FCMR: variants seen among roughly 807,000 people sequenced by gnomAD.
The protein encoded by FCMR is Fc mu receptor, also known as immunoglobulin mu Fc receptor.
FCMR carries 34 observed loss-of-function variants against 41.6 expected under a neutral mutation model. The observed-to-expected ratio is 0.82, with a 90% confidence interval of 0.62 to 1.09. The LOEUF (loss-of-function observed/expected upper bound fraction) is 1.09, where lower values mean the gene tolerates loss of function less well. FCMR is among the 50% of genes least tolerant of loss of function. FCMR has a pLI of 0.00. For synonymous variants in FCMR, 209 were observed against 211.8 expected (o/e 0.99, Z 0.12); for missense variants, 496 against 512.5 (o/e 0.97, Z 0.31).
chr1:206,914,988 C>T (rs769756377), intron 1 of FCMR, among the ~76,000 whole-genome samples: 11 of 152,240 alleles, frequency 7.2e-5, no homozygotes, highest in African/African-American at 9.6e-5. Flanking sequence ...AGAGCCCCCA[C>T]GTGACCTCAG....
In FCMR at chr1:206,913,965, C is replaced by G; in HGVS notation, c.167G>C (p.Gly56Ala). The G allele has an allele frequency of 6.2e-7, 1 of 1,614,226 alleles. No homozygotes were observed. Among genetic ancestry groups the G allele is most frequent in the Non-Finnish European group, 8.5e-7 (1 of 1,180,042 alleles). ...IYLCREMAGS[G>A]TCGTVVSTTN... is the part of the protein sequence containing the mutation. ...GGTGGATACCACGGTACCACATGTT[C>G]CAGATCCAGCCATCTCCCGGCACAG... Residue 56 changes from glycine to alanine, a missense_variant, in exon 2 of 8, where the codon GGA becomes GCA. By Grantham distance (60) the Gly-to-Ala change is moderately conservative. Transcript: ENST00000367091.
chr1:206,914,314 C>T (rs764542322), intron 1 of FCMR, among the ~76,000 whole-genome samples: 3 of 6,798 alleles, frequency 4.4e-4, no homozygotes, highest in South Asian at 1.4e-3. Flanking sequence ...CTTTTCTTTC[C>T]TTCCTTCCTT....
In FCMR at chr1:206,914,029, T is replaced by C. The variant is rs770987820; in HGVS notation, c.103A>G (p.Ile35Val). ...VEGELGGSVTIKCPLPEMHVR... is the reference protein window; with the variant it reads ...VEGELGGSVTVKCPLPEMHVR... ...TGCATTTCAGGAAGTGGGCACTTGA[T>C]GGTAACTGATCCGCCCAGCTCCCCC... The change falls in exon 2 of 8, where the codon ATC (isoleucine) becomes GTC (valine). Residue 35 changes from isoleucine to valine, a missense_variant. Physicochemically the swap from Ile to Val is conservative, Grantham distance 29. Transcript: ENST00000367091. The C allele has an allele frequency of 6.2e-7, 1 of 1,614,228 alleles. No individual in the cohort carries two copies. The highest frequency in any genetic ancestry group is 8.5e-7 in the Non-Finnish European group (1 of 1,180,036).
Position 206,903,727 on chromosome 1 carries a change from C to CT in FCMR, c.*1291dup, listed in dbSNP as rs377617111. 2.7e-4 allele frequency: 40 copies of CT among 149,170 alleles called. 1 individual carries two copies. In the East Asian group the frequency reaches 3.6e-3, roughly 14 times the overall value. The allele number at this position is 149,170 out of a possible 1,614,324, so 9.2% of individuals were successfully genotyped here. ...ATCATCCCTTTCCCTTGGTGCCCTC[C>CT]TTTTTTTTTTATCCTAGTCATTCTT... On this transcript the variant is annotated 3_prime_UTR_variant, in exon 8 of 8. Transcript: ENST00000367091.
Position 206,913,003 on chromosome 1 carries a change from G to A in FCMR, c.413C>T (p.Thr138Ile). The A allele has an allele frequency of 6.2e-7, 1 of 1,613,824 alleles. No individual in the cohort carries two copies. The highest frequency in any genetic ancestry group is 8.5e-7 in the Non-Finnish European group (1 of 1,179,704). ...ATAGGGCAGATGAAACCATTTTGGA[G>A]TCTCAGGCATTGGCTGCTCTTCCCA... is the stretch of plus-strand genomic sequence containing the variant. ...PSWEEQPMPE[T>I]PKWFHLPYLF... The change falls in exon 3 of 8, where the codon ACT becomes ATT. Residue 138 changes from threonine to isoleucine, a missense_variant. Thr to Ile is a moderately conservative substitution (Grantham distance 89). Transcript: ENST00000367091.
intron 1 of FCMR, chr1:206,921,579 T>C: frequency 1.7e-6 from 1 of 581,838 alleles, no homozygotes; most frequent in Non-Finnish European, 3.1e-6. Flanking sequence ...CCAGCCTGGG[T>C]GATAGAGTTA....
At chr1:206,914,437 C>CTTTT (rs572538296) in intron 1 of FCMR, among the ~76,000 whole-genome samples, 1 of 105,288 alleles carries the variant, frequency 9.5e-6, no homozygotes, top group Admixed American at 1.0e-4. Flanking sequence ...CCTTTCTTTT[C>CTTTT]TTTTTTTTTT....
At chr1:206,918,146 C>T (rs1298646002) in intron 1 of FCMR, among the ~76,000 whole-genome samples, 1 of 152,178 alleles carries the variant, frequency 6.6e-6, no homozygotes, top group Non-Finnish European at 1.5e-5. Context: ...GTAATGGTCA[C>T]CTCTTTGTCT....
chr1:206,921,727 A>G (rs1679448294), intron 1 of FCMR, 91 bp downstream of exon 1: 7 of 1,242,674 alleles, frequency 5.6e-6, no homozygotes, highest in African/African-American at 1.5e-5. Flanking sequence ...CCATCCAGAA[A>G]CATCAGAGCT....
chr1:206,904,882 G>C lies in FCMR; in HGVS notation c.*137C>G. 1 of 933,182 alleles carries C rather than the reference G, an allele frequency of 1.1e-6. No homozygotes were observed. The allele number at this position is 933,182 out of a possible 1,614,324, so 57.8% of individuals were successfully genotyped here. On this transcript the variant is annotated 3_prime_UTR_variant, in exon 8 of 8. Transcript: ENST00000367091. The stretch of plus-strand genomic sequence containing the variant: ...CCATGCTCAGGGCACAGATAGATGG[G>C]GATGGGAGTCGAGATGGGGCATGGG...
intron 7 of FCMR, among the ~76,000 whole-genome samples, chr1:206,907,269 G>A (rs1279697233): frequency 6.6e-6 from 1 of 152,178 alleles, no homozygotes; most frequent in African/African-American, 2.4e-5. Context: ...CCTCTAGGAT[G>A]CAAGTGGAAA....
intron 1 of FCMR, among the ~76,000 whole-genome samples, chr1:206,915,468 C>G (rs1679151670): frequency 6.6e-6 from 1 of 152,048 alleles, no homozygotes; most frequent in Admixed American, 6.6e-5. Flanking sequence ...TGTGCACACA[C>G]TGTATGTGTG....
In FCMR at chr1:206,909,499, G is replaced by A; in HGVS notation, c.1007C>T (p.Pro336Leu). 1 of 1,286,292 alleles carries A rather than the reference G, an allele frequency of 7.8e-7. No homozygotes were observed. The highest frequency in any genetic ancestry group is 9.8e-7 in the Non-Finnish European group (1 of 1,018,428). 79.7% of individuals were successfully genotyped at this position (1,286,292 alleles called of 1,614,324 possible). A position where few individuals can be genotyped will look rare whatever the true frequency, so the allele number is the denominator to read the frequency against. ...DAAGTGEAPV[P>L]GPGAPLPPAP... Reference sequence around the variant, plus strand: ...GGGGGGCAACGGCGCTCCGGGGCCGGGAACGGGGGCCTCCCCTGTGCCTAG... The same window carrying A: ...GGGGGGCAACGGCGCTCCGGGGCCGAGAACGGGGGCCTCCCCTGTGCCTAG... Residue 336 changes from proline (P) to leucine (L), a missense_variant, in exon 7 of 8, where the codon CCC (proline) becomes CTC (leucine). Transcript: ENST00000367091. This position sits in a 1 kb window ranked among gnomAD's most constrained non-coding sequence, Gnocchi z 5.0.
At chr1:206,912,898 A>C (rs558220717) in intron 3 of FCMR, 31 bp downstream of exon 3, 9 of 1,428,028 alleles carry the variant, frequency 6.3e-6, no homozygotes, top group South Asian at 1.1e-5. Context: ...CATCTCACCC[A>C]CCTCTCCTAC....
chr1:206,906,258 G>C, intron 7 of FCMR: 1 of 387,030 alleles, frequency 2.6e-6, no homozygotes, highest in Non-Finnish European at 5.2e-6. Flanking sequence ...AATGAGAGAT[G>C]ATCAAGATAA....
intron 1 of FCMR, among the ~76,000 whole-genome samples, chr1:206,918,869 G>A (rs1359318309): frequency 6.6e-6 from 1 of 152,046 alleles, no homozygotes; most frequent in Non-Finnish European, 1.5e-5. Flanking sequence ...TAGGCCCTAG[G>A]GAGACCCACT....
chr1:206,913,579 AATTGTGTGGACC>A (rs1477162420), intron 2 of FCMR, 168 bp downstream of exon 2: 1 of 607,196 alleles, frequency 1.6e-6, no homozygotes, highest in Non-Finnish European at 2.9e-6. Context: ...TTGGGTAGAA[AATTGTGTGGACC>A]ATGGAGGTAA....
At chr1:206,918,040 C>A (rs1679267072) in intron 1 of FCMR, among the ~76,000 whole-genome samples, 1 of 152,178 alleles carries the variant, frequency 6.6e-6, no homozygotes, top group Non-Finnish European at 1.5e-5. Context: ...TCCATACCTC[C>A]CAATTTCTCT....
chr1:206,914,666 C>G (rs1281942152), intron 1 of FCMR, among the ~76,000 whole-genome samples: 1 of 152,036 alleles, frequency 6.6e-6, no homozygotes, highest in African/African-American at 2.4e-5. Flanking sequence ...CTCATGGCCT[C>G]AAGTGATCTG....
Sources: allele counts gnomAD v4.1 joint callset (sites outside exome capture counted in the v4.1 genomes callset), GRCh38; gene constraint gnomAD v4.1.1; non-coding constraint Gnocchi (gnomAD v3.1); transcripts MANE v1.5; gene names NCBI Gene and HGNC (gene_info 2026-07-23, HGNC 2026-07-21).